Variants in ENSA observed in about 807,000 individuals in gnomAD.
ENSA encodes endosulfine alpha.
A neutral mutation model predicts 16.8 loss-of-function variants in ENSA; 7 were observed. The observed-to-expected ratio is 0.42, with a 90% CI of 0.24 to 0.78. The LOEUF is 0.78. Ranked by LOEUF, ENSA falls within the 30% of genes least tolerant of loss-of-function variation. The pLI is 0.29. For missense variants in ENSA, 87 were observed against 142.3 expected (o/e 0.61, Z 1.98); for synonymous variants, 58 against 53.4 (o/e 1.09, Z -0.37).
intron 3 of ENSA, chr1:150,624,186 T>G (rs1444005244): frequency 2.0e-6 from 2 of 985,376 alleles, no homozygotes; most frequent in Middle Eastern, 5.2e-4. Flanking sequence ...TGTTCATGAG[T>G]CAGCATGGCT....
intron 3 of ENSA, 122 bp from the exon 4 acceptor site, chr1:150,622,981 T>C (rs1363591345): frequency 8.5e-6 from 11 of 1,287,066 alleles, no homozygotes; most frequent in Non-Finnish European, 1.1e-5. Context: ...ACCATTAGGC[T>C]ACCTGGCATG....
Position 150,627,578 on chromosome 1 carries a change from T to C in ENSA, c.72A>G (p.Lys24=). 7 of 1,611,164 alleles carry C rather than the reference T, an allele frequency of 4.3e-6. No individual in the cohort carries two copies. The highest frequency in any genetic ancestry group is 4.2e-6 in the Non-Finnish European group (5 of 1,179,214). The stretch of plus-strand genomic sequence containing the variant: ...CAGCTCTCTCAGGCAGAATACCTTC[T>C]TTCTCCTGCGTGTCCTGGAGAAAAC... The part of the protein sequence containing the change: ...TGEEKQDTQE[K]EGILPERAEE... The change falls in exon 2 of 4, where the codon AAA becomes AAG. Residue 24 remains lysine, a synonymous_variant. Transcript: ENST00000369014.
At position 150,629,037 on chromosome 1, in the gene ENSA, C is replaced by T. The variant is rs201267816; in HGVS notation, c.57+377G>A. On this transcript the variant is annotated intron_variant, in intron 1 of 3. Transcript: ENST00000369014. The stretch of plus-strand genomic sequence containing the variant: ...CTTTGCGGATTGAGGCTGCGGGCCC[C>T]AGCCCGGTTGCTGGGTCACTTACCT... 1.2e-3 allele frequency: 1,957 copies of T among 1,613,688 alleles called. 1 individual carries two copies. The highest frequency in any genetic ancestry group is 4.9e-3 in the Middle Eastern group (30 of 6,062).
chr1:150,623,037 G>T (rs1649067410), intron 3 of ENSA, among the ~76,000 whole-genome samples, 178 bp from the exon 4 acceptor site: 1 of 152,124 alleles, frequency 6.6e-6, no homozygotes, highest in South Asian at 2.1e-4. Context: ...TCAAAAAATA[G>T]AATTTCAGTC....
chr1:150,629,004 A>AC, intron 1 of ENSA: 1 of 1,571,938 alleles, frequency 6.4e-7, no homozygotes, highest in South Asian at 1.1e-5. Flanking sequence ...CTTTACCTCG[A>AC]CCCCTATCTT....
At chr1:150,627,165 T>C (rs986499902) in intron 2 of ENSA, 3 of 1,479,988 alleles carry the variant, frequency 2.0e-6, no homozygotes, top group East Asian at 4.7e-5. Flanking sequence ...ACCTCCAACA[T>C]TCAAACAGGC....
Position 150,622,842 on chromosome 1 carries a change from C to T in ENSA, c.*2G>A, listed in dbSNP as rs1275792330. On this transcript the variant is annotated 3_prime_UTR_variant, in exon 4 of 4. Coordinates refer to ENST00000369014, the MANE Select transcript of ENSA (RefSeq NM_004436.4). ...CAGGATCTGGCAGAGCCCCGGGCAG[C>T]ATCATTCAACTTGGCCACTGCGGAC... 1.4e-6 allele frequency: 2 copies of T among 1,481,172 alleles called. No homozygotes were observed. Among genetic ancestry groups the T allele is most frequent in the Non-Finnish European group, 1.8e-6 (2 of 1,103,208 alleles). 91.8% of individuals were successfully genotyped at this position (1,481,172 alleles called of 1,614,324 possible).
At chr1:150,623,669 T>C (rs1649110321) in intron 3 of ENSA, 1 of 982,432 alleles carries the variant, frequency 1.0e-6, no homozygotes. Context: ...CATATCTATG[T>C]ACAACATGGC....
intron 1 of ENSA, among the ~76,000 whole-genome samples, chr1:150,628,050 A>T (rs1214566754): frequency 1.3e-5 from 2 of 152,228 alleles, no homozygotes; most frequent in African/African-American, 4.8e-5. Flanking sequence ...TAATCCCAGC[A>T]CTTTGGGAGG....
chr1:150,629,164 T>C (rs751793724), intron 1 of ENSA: 9 of 1,613,684 alleles, frequency 5.6e-6, no homozygotes, highest in Non-Finnish European at 7.6e-6. Flanking sequence ...CGGCCAATTA[T>C]AGCACAGCGT....
chr1:150,629,498 G>A lies in ENSA; in HGVS notation c.-28C>T. On this transcript the variant is annotated 5_prime_UTR_variant, in exon 1 of 4. Coordinates refer to ENST00000369014, the MANE Select transcript of ENSA (RefSeq NM_004436.4). The stretch of plus-strand genomic sequence containing the variant: ...CGGGACCGGGACTGTGGAGTGTAAG[G>A]GGCCCGGGAAGGCAACCGGAGAAGG... 6.2e-7 allele frequency: 1 copy of A among 1,607,288 alleles called. No individual in the cohort carries two copies. The highest frequency in any genetic ancestry group is 8.5e-7 in the Non-Finnish European group (1 of 1,177,438).
rs1649054545 is a variant in ENSA, at chr1:150,622,861, T to C, written c.351-2A>G. ...GGGCAGCATCATTCAACTTGGCCACTGCGGACGAACACAGAAGAAAAAAAA... is the reference window on the plus strand; with the variant it reads ...GGGCAGCATCATTCAACTTGGCCACCGCGGACGAACACAGAAGAAAAAAAA... On this transcript the variant is annotated splice_acceptor_variant, in intron 3 of 3. Transcript: ENST00000369014. LOFTEE classifies it high-confidence loss of function. 6.5e-7 allele frequency: 1 copy of C among 1,529,708 alleles called. No homozygotes were observed. The highest frequency in any genetic ancestry group is 8.8e-7 in the Non-Finnish European group (1 of 1,135,084). The allele number at this position is 1,529,708 out of a possible 1,614,324, so 94.8% of individuals were successfully genotyped here. A position where few individuals can be genotyped will look rare whatever the true frequency, so the allele number is the denominator to read the frequency against.
chr1:150,625,891 T>C (rs1649272626), intron 2 of ENSA, 83 bp from the exon 3 acceptor site: 1 of 1,497,426 alleles, frequency 6.7e-7, no homozygotes, highest in East Asian at 2.4e-5. Flanking sequence ...ACATCCATTA[T>C]AAACCCTCAT....
At chr1:150,627,032 T>G (rs1571013965) in intron 2 of ENSA, 2 of 1,196,138 alleles carry the variant, frequency 1.7e-6, no homozygotes, top group South Asian at 4.4e-5. Flanking sequence ...ACTTCAAGGG[T>G]ATGAAGAAAC....
chr1:150,625,926 C>T, intron 2 of ENSA, 118 bp from the exon 3 acceptor site: 2 of 1,428,470 alleles, frequency 1.4e-6, no homozygotes, highest in Non-Finnish European at 1.8e-6. Flanking sequence ...TTCAAGAAGT[C>T]TTCCTTGATT....
chr1:150,627,641 G>A, intron 1 of ENSA, 49 bp from the exon 2 acceptor site: 1 of 1,565,562 alleles, frequency 6.4e-7, no homozygotes, highest in Non-Finnish European at 8.6e-7. Flanking sequence ...AGAAACAACA[G>A]CTTCTCACAT....
At chr1:150,623,676 T>C in intron 3 of ENSA, 1 of 984,390 alleles carries the variant, frequency 1.0e-6, no homozygotes, top group Non-Finnish European at 1.2e-6. Context: ...ATGTACAACA[T>C]GGCTGGGACA....
chr1:150,627,414 C>G (rs772214484), intron 2 of ENSA, 53 bp downstream of exon 2: 2 of 1,614,180 alleles, frequency 1.2e-6, no homozygotes, highest in Non-Finnish European at 1.7e-6. Context: ...AGACTTCATT[C>G]GAAGAACCTC....
chr1:150,627,564 G>A lies in ENSA; in HGVS notation c.86C>T (p.Pro29Leu), dbSNP rs1649434325. ...TAGCTTTGCCTCTTCAGCTCTCTCA[G>A]GCAGAATACCTTCTTTCTCCTGCGT... ...QDTQEKEGIL[P>L]ERAEEAKLKA... Residue 29 changes from proline to leucine, a missense_variant, in exon 2 of 4, where the codon CCT (proline) becomes CTT (leucine). Physicochemically the swap from Pro to Leu is moderately conservative, Grantham distance 98. Coordinates refer to ENST00000369014, the MANE Select transcript of ENSA (RefSeq NM_004436.4). 1.2e-6 allele frequency: 2 copies of A among 1,612,966 alleles called. No homozygotes were observed. Among genetic ancestry groups the A allele is most frequent in the Non-Finnish European group, 1.7e-6 (2 of 1,179,716 alleles).
Sources: allele counts gnomAD v4.1 joint callset (sites outside exome capture counted in the v4.1 genomes callset), GRCh38; gene constraint gnomAD v4.1.1; transcripts MANE v1.5; gene names NCBI Gene and HGNC (gene_info 2026-07-23, HGNC 2026-07-21).